ALDH9A1: variants seen among roughly 807,000 people sequenced by gnomAD.
The protein encoded by ALDH9A1 is aldehyde dehydrogenase 9 family member A1.
A neutral mutation model predicts 56.6 loss-of-function variants in ALDH9A1; 42 were observed. The ratio of observed to expected loss-of-function variants is 0.74; its 90% CI spans 0.58 to 0.96. The LOEUF is 0.96. Among genes scored for constraint, ALDH9A1 ranks in the 40% least tolerant of loss-of-function variants. ALDH9A1 has a pLI of 0.00. For synonymous variants in ALDH9A1, 242 were observed against 236.0 expected, an observed-to-expected ratio of 1.03 and a Z score of -0.23; for missense variants, 661 against 651.5, an observed-to-expected ratio of 1.01 and a Z score of -0.16.
At chr1:165,695,194 T>G in intron 2 of ALDH9A1, 58 bp downstream of exon 2, 1 of 1,514,414 alleles carries the variant, frequency 6.6e-7, no homozygotes, top group Non-Finnish European at 8.8e-7. Flanking sequence ...ACTGCAAACA[T>G]CACAAAGAAA....
Position 165,683,116 on chromosome 1 carries a change from G to A in ALDH9A1, c.328-6C>T. 1 of 1,613,260 alleles carries A rather than the reference G, an allele frequency of 6.2e-7. No individual in the cohort carries two copies. On this transcript the variant is annotated splice_polypyrimidine_tract_variant and splice_region_variant and intron_variant, in intron 2 of 10. Coordinates refer to ENST00000354775, the MANE Select transcript of ALDH9A1 (RefSeq NM_000696.4). ...GCAATTTCATCCTCCCGTTCCTTTG[G>A]GTAAAGCAGAAGACTAGATTTAAGA...
At chr1:165,685,713 G>C (rs1035730041) in intron 2 of ALDH9A1, among the ~76,000 whole-genome samples, 4 of 152,126 alleles carry the variant, frequency 2.6e-5, no homozygotes, top group African/African-American at 9.7e-5. Flanking sequence ...GGAGAAACAG[G>C]GCCTGAGGGC....
intron 1 of ALDH9A1, 184 bp downstream of exon 1, chr1:165,698,194 C>T (rs1650157157): frequency 7.3e-7 from 1 of 1,363,244 alleles, no homozygotes; most frequent in Non-Finnish European, 9.4e-7. Context: ...CCCTACCCAT[C>T]CCTGCCCGGA....
intron 6 of ALDH9A1, chr1:165,676,408 T>G (rs549063606): frequency 5.2e-6 from 1 of 192,934 alleles, no homozygotes; most frequent in East Asian, 1.5e-4. Flanking sequence ...CATGCAAATC[T>G]ATAAGAAAGG....
intron 6 of ALDH9A1, among the ~76,000 whole-genome samples, chr1:165,677,617 G>A (rs1040053035): frequency 6.6e-6 from 1 of 152,148 alleles, no homozygotes; most frequent in Non-Finnish European, 1.5e-5. Flanking sequence ...CCAGCACTTT[G>A]GGAGGCCAAG....
At chr1:165,669,137 C>A (rs1032781162) in intron 7 of ALDH9A1, 124 bp from the exon 8 acceptor site, 32 of 1,310,006 alleles carry the variant, frequency 2.4e-5, no homozygotes, top group Non-Finnish European at 3.4e-5. Context: ...CAGAACACAG[C>A]CAGGGATGCT....
intron 2 of ALDH9A1, among the ~76,000 whole-genome samples, chr1:165,693,142 G>T (rs570972797): frequency 2.0e-5 from 3 of 152,060 alleles, no homozygotes; most frequent in Non-Finnish European, 4.4e-5. Context: ...TACCATTCAG[G>T]ACACAGGCAT....
intron 6 of ALDH9A1, among the ~76,000 whole-genome samples, chr1:165,677,662 T>C (rs1169251666): frequency 6.6e-6 from 1 of 151,218 alleles, no homozygotes; most frequent in Non-Finnish European, 1.5e-5. Flanking sequence ...ATCCAGACCA[T>C]CCTGGCTAAC....
intron 2 of ALDH9A1, among the ~76,000 whole-genome samples, chr1:165,691,685 C>T (rs868471390): frequency 1.3e-5 from 2 of 152,220 alleles, no homozygotes; most frequent in Non-Finnish European, 2.9e-5. Context: ...CCTTCTGAAA[C>T]TATTCCAATC....
chr1:165,696,021 T>G (rs1650071536), intron 1 of ALDH9A1, among the ~76,000 whole-genome samples: 1 of 151,994 alleles, frequency 6.6e-6, no homozygotes, highest in Non-Finnish European at 1.5e-5. Flanking sequence ...ACAGCTAATT[T>G]TTGTATTTTT....
intron 6 of ALDH9A1, among the ~76,000 whole-genome samples, chr1:165,672,174 A>C (rs1003407073): frequency 6.6e-6 from 1 of 152,242 alleles, no homozygotes; most frequent in Non-Finnish European, 1.5e-5. Flanking sequence ...ATCAATGTTC[A>C]TAGCAACATT....
intron 2 of ALDH9A1, among the ~76,000 whole-genome samples, chr1:165,695,044 C>T (rs1650025972): frequency 6.6e-6 from 1 of 151,834 alleles, no homozygotes; most frequent in African/African-American, 2.4e-5. Context: ...AACATGAAAA[C>T]CTGCCAAAGG....
Position 165,669,589 on chromosome 1 carries a change from A to T in ALDH9A1, c.931-139T>A, listed in dbSNP as rs188669160. On this transcript the variant is annotated intron_variant, in intron 6 of 10. Coordinates refer to ENST00000354775, the MANE Select transcript of ALDH9A1 (RefSeq NM_000696.4). Reference sequence around the variant, plus strand: ...TAAAAGGATATTTCCATTTCTAAAAATTGTCTCCATACTGAATAAGAAGGA... The same window carrying T: ...TAAAAGGATATTTCCATTTCTAAAATTTGTCTCCATACTGAATAAGAAGGA... 2.7e-5 allele frequency: 22 copies of T among 821,920 alleles called. No homozygotes were observed. In the African/African-American group the frequency reaches 3.7e-4, roughly 14 times the overall value. 50.9% of individuals were successfully genotyped at this position (821,920 alleles called of 1,614,324 possible).
intron 9 of ALDH9A1, 59 bp downstream of exon 9, chr1:165,667,250 T>G: frequency 6.2e-7 from 1 of 1,600,886 alleles, no homozygotes. Flanking sequence ...ATTAAATATC[T>G]AAGCAGATAC....
chr1:165,687,100 A>G (rs1197017247), intron 2 of ALDH9A1, among the ~76,000 whole-genome samples: 2 of 152,200 alleles, frequency 1.3e-5, no homozygotes, highest in East Asian at 1.9e-4. Context: ...AACTTGAGTC[A>G]TAACAATAGA....
At chr1:165,691,699 A>G (rs1201507981) in intron 2 of ALDH9A1, among the ~76,000 whole-genome samples, 1 of 152,264 alleles carries the variant, frequency 6.6e-6, no homozygotes, top group Non-Finnish European at 1.5e-5. Flanking sequence ...TCCAATCATT[A>G]GAAAAAGAGG....
At chr1:165,689,009 A>ATAT (rs1450088397) in intron 2 of ALDH9A1, among the ~76,000 whole-genome samples, 2 of 152,186 alleles carry the variant, frequency 1.3e-5, no homozygotes, top group Non-Finnish European at 2.9e-5. Flanking sequence ...AGAGCAAAAA[A>ATAT]TATTATTAGA....
At chr1:165,674,050 G>A (rs975208457) in intron 6 of ALDH9A1, among the ~76,000 whole-genome samples, 2 of 152,068 alleles carry the variant, frequency 1.3e-5, no homozygotes, top group Non-Finnish European at 2.9e-5. Context: ...ACCGCTGGTC[G>A]TCATTGCTGC....
chr1:165,662,479 A>G lies in ALDH9A1; in HGVS notation c.*571T>C, dbSNP rs749762469. ...TGTCAGCTTTCTCAATGGAATGACAAGGGGATATAGCTTAAAAAAATGTCA... is the reference window on the plus strand; with the variant it reads ...TGTCAGCTTTCTCAATGGAATGACAGGGGGATATAGCTTAAAAAAATGTCA... On this transcript the variant is annotated 3_prime_UTR_variant, in exon 11 of 11. Coordinates refer to ENST00000354775, the MANE Select transcript of ALDH9A1 (RefSeq NM_000696.4). 1 of 152,502 alleles carries G rather than the reference A, an allele frequency of 6.6e-6. No homozygotes were observed. Among genetic ancestry groups the G allele is most frequent in the Non-Finnish European group, 1.5e-5 (1 of 68,288 alleles). 9.4% of individuals were successfully genotyped at this position (152,502 alleles called of 1,614,324 possible). A position where few individuals can be genotyped will look rare whatever the true frequency, so the allele number is the denominator to read the frequency against.
Sources: gnomAD v4.1 joint callset for allele counts (sites outside exome capture counted in the v4.1 genomes callset) on GRCh38, gnomAD v4.1.1 for gene constraint, MANE v1.5 for transcripts, NCBI Gene and HGNC (gene_info 2026-07-23, HGNC 2026-07-21) for gene names.